The following LCN8 variants were observed in gnomAD, a reference collection of about 807,000 sequenced individuals.
LCN8 encodes lipocalin 8, also known as epididymal-specific lipocalin-8.
In LCN8, 16 loss-of-function variants were observed where a neutral mutation model predicts 22.8. The ratio of observed to expected loss-of-function variants is 0.70; its 90% CI spans 0.47 to 1.06. The LOEUF is 1.06. Ranked by LOEUF, LCN8 falls within the 50% of genes least tolerant of loss-of-function variation. LCN8 has a pLI of 0.00. For missense variants in LCN8, 189 were observed against 203.3 expected (o/e 0.93, Z 0.43); for synonymous variants, 92 against 83.4 (o/e 1.10, Z -0.56).
At chr9:136,755,650 C>A (rs1286401889) in intron 3 of LCN8, 134 bp from the exon 4 acceptor site, 2 of 1,407,798 alleles carry the variant, frequency 1.4e-6, no homozygotes, top group Admixed American at 2.3e-5. Context: ...ACTACAGAAG[C>A]TTTTGAAGGA....
chr9:136,757,193 A>G (rs1171973314), intron 1 of LCN8, 25 bp from the exon 2 acceptor site: 2 of 1,605,412 alleles, frequency 1.2e-6, no homozygotes, highest in African/African-American at 2.7e-5. Flanking sequence ...AGCCTGGCCA[A>G]GAGCTGAGCA....
rs886153937 is a variant in LCN8 at position 136,758,130 on chromosome 9, T to A, written c.-200A>T. The stretch of plus-strand genomic sequence containing the variant: ...CTGCTGGCAGCTCAGAGACGTGGGT[T>A]TCTGCACAAGCGCCATCGGCCCTGG... On this transcript the variant is annotated 5_prime_UTR_variant, in exon 1 of 7. Coordinates refer to ENST00000371688, the MANE Select transcript of LCN8 (RefSeq NM_178469.4). 1.6e-5 allele frequency: 23 copies of A among 1,450,066 alleles called. No individual in the cohort carries two copies. Among genetic ancestry groups the A allele is most frequent in the Non-Finnish European group, 2.0e-5 (22 of 1,100,790 alleles). 89.8% of individuals were successfully genotyped at this position (1,450,066 alleles called of 1,614,324 possible).
Position 136,757,641 on chromosome 9 carries a change from G to A in LCN8, c.24+266C>T, listed in dbSNP as rs530654626. On this transcript the variant is annotated intron_variant, in intron 1 of 6. Transcript: ENST00000371688. Reference sequence around the variant, plus strand: ...CCCTCAGCAACCCGCCCAGAGCCGGGACTTCCGCTGAGACTTTTAAAAACC... The same window carrying A: ...CCCTCAGCAACCCGCCCAGAGCCGGAACTTCCGCTGAGACTTTTAAAAACC... 2.4e-5 allele frequency: 34 copies of A among 1,421,038 alleles called. 1 individual carries two copies. In the South Asian group the frequency reaches 4.0e-4, roughly 17 times the overall value. The allele number at this position is 1,421,038 out of a possible 1,614,324, so 88.0% of individuals were successfully genotyped here. A position where few individuals can be genotyped will look rare whatever the true frequency, so the allele number is the denominator to read the frequency against.
In LCN8 at chr9:136,757,934, T is replaced by C. The variant is rs1198167160; in HGVS notation, c.-4A>G. On this transcript the variant is annotated 5_prime_UTR_variant, in exon 1 of 7. Transcript: ENST00000371688. ...TCTGCCGGTCCAGCTCCTCCATGGC[T>C]GCTGCCACCTGCGCCCGGAGCACCA... The C allele has an allele frequency of 1.9e-6, 3 of 1,613,354 alleles. No individual in the cohort carries two copies. Among genetic ancestry groups the C allele is most frequent in the South Asian group, 1.1e-5 (1 of 91,078 alleles).
At chr9:136,756,445 A>C in intron 3 of LCN8, 77 bp downstream of exon 3, 4 of 1,613,274 alleles carry the variant, frequency 2.5e-6, no homozygotes, top group Non-Finnish European at 3.4e-6. Context: ...CAGTGCAGGG[A>C]ACAGCATGGG....
Position 136,757,809 on chromosome 9 carries a change from G to A in LCN8, c.24+98C>T, listed in dbSNP as rs116831948. 464 of 1,607,826 alleles carry A rather than the reference G, an allele frequency of 2.9e-4. 2 individuals are homozygous for A. In the African/African-American group the frequency reaches 5.5e-3, roughly 19 times the overall value. ...AGGAAGTGTCTAGCCGGGCACCAGC[G>A]TCCCCACGAGCTCCCCACACCGGGA... On this transcript the variant is annotated intron_variant, in intron 1 of 6. Transcript: ENST00000371688.
At chr9:136,757,460 C>A in intron 1 of LCN8, 1 of 1,362,932 alleles carries the variant, frequency 7.3e-7, no homozygotes. Context: ...TCGGGAGGAA[C>A]CACAGGCCCT....
chr9:136,755,576 A>C, intron 3 of LCN8, 60 bp from the exon 4 acceptor site: 1 of 1,553,186 alleles, frequency 6.4e-7, no homozygotes, highest in Non-Finnish European at 8.7e-7. Context: ...CTCGAAGGCC[A>C]GGGTCTGCAG....
chr9:136,756,650 C>G (rs1305394221), intron 2 of LCN8, 58 bp from the exon 3 acceptor site: 2 of 1,595,980 alleles, frequency 1.3e-6, no homozygotes, highest in Admixed American at 1.7e-5. Flanking sequence ...GCCTGCTGGG[C>G]TCCTTCCCGG....
intron 3 of LCN8, 39 bp from the exon 4 acceptor site, chr9:136,755,555 G>A (rs750123237): frequency 1.3e-6 from 2 of 1,590,304 alleles, no homozygotes; most frequent in African/African-American, 2.7e-5. Flanking sequence ...AGACGTCTGA[G>A]GGGGACGGAC....
upstream of LCN8, chr9:136,758,442 G>A: frequency 1.0e-6 from 1 of 994,044 alleles, no homozygotes; most frequent in Non-Finnish European, 1.2e-6. Context: ...TTTGAAATGT[G>A]TGCCAGACGC....
chr9:136,757,236 AC>A (rs943267805), intron 1 of LCN8, 68 bp from the exon 2 acceptor site: 3 of 1,556,224 alleles, frequency 1.9e-6, no homozygotes, highest in African/African-American at 2.7e-5. Flanking sequence ...CATTCCACGA[AC>A]CCCCGGGCAG....
At chr9:136,756,221 A>G (rs1373202081) in intron 3 of LCN8, 2 of 1,103,292 alleles carry the variant, frequency 1.8e-6, no homozygotes, top group African/African-American at 1.8e-5. Flanking sequence ...CATGGGGAAC[A>G]GTGCAGGGAA....
intron 6 of LCN8, 119 bp from the exon 7 acceptor site, chr9:136,754,628 C>T (rs1847140038): frequency 6.8e-7 from 1 of 1,468,334 alleles, no homozygotes; most frequent in Non-Finnish European, 9.0e-7. Context: ...GCAAAGCACC[C>T]AGCTCCCTGA....
chr9:136,758,496 G>C (rs975519024), upstream of LCN8: 1 of 991,880 alleles, frequency 1.0e-6, no homozygotes, highest in Non-Finnish European at 1.2e-6. Context: ...CAGCGCCAGC[G>C]ACCAGAGTGA....
intron 3 of LCN8, 131 bp downstream of exon 3, chr9:136,756,391 G>A: frequency 6.3e-7 from 1 of 1,599,182 alleles, no homozygotes. Flanking sequence ...GGGGAACAGT[G>A]CAGGGAACAG....
intron 3 of LCN8, chr9:136,755,780 G>T (rs1847173990): frequency 1.3e-6 from 2 of 1,487,576 alleles, no homozygotes; most frequent in Middle Eastern, 1.7e-4. Context: ...GCAGGAAACA[G>T]CATGGGGAAC....
At chr9:136,756,346 G>A in intron 3 of LCN8, 176 bp downstream of exon 3, 1 of 1,561,970 alleles carries the variant, frequency 6.4e-7, no homozygotes, top group Non-Finnish European at 8.6e-7. Context: ...GAACAACATG[G>A]GGAACAGCAC....
upstream of LCN8, chr9:136,758,311 C>G (rs576715075): frequency 3.0e-5 from 35 of 1,159,692 alleles, no homozygotes; most frequent in Middle Eastern, 6.2e-4. Flanking sequence ...TCGGTGACCC[C>G]CACCCCACAT....
Sources: allele counts gnomAD v4.1 joint callset, GRCh38; gene constraint gnomAD v4.1.1; transcripts MANE v1.5; gene names NCBI Gene and HGNC (gene_info 2026-07-23, HGNC 2026-07-21).